The following LINGO2 variants were observed in gnomAD, a reference collection of about 807,000 sequenced individuals.
LINGO2 encodes leucine-rich repeat and immunoglobulin-like domain-containing nogo receptor-interacting protein 2.
In LINGO2, 14 loss-of-function variants were observed where a neutral mutation model predicts 30.6. That is an observed-to-expected ratio of 0.46 (90% CI 0.30 to 0.72). The LOEUF (loss-of-function observed/expected upper bound fraction) is 0.72, where lower values mean the gene tolerates loss of function less well. LINGO2 is among the 30% of genes least tolerant of loss of function. The pLI is 0.07. For synonymous variants in LINGO2, 317 were observed against 288.5 expected (o/e 1.10, Z -1.00); for missense variants, 729 against 751.7 (o/e 0.97, Z 0.35).
chr9:28,436,837 G>A (rs1169876589), intron 2 of LINGO2, among the ~76,000 whole-genome samples: 8 of 152,080 alleles, frequency 5.3e-5, no homozygotes, highest in Non-Finnish European at 8.8e-5. Context: ...AGCAAGAGGA[G>A]GAAGTCCTTA....
the LINGO2 span, among the ~76,000 whole-genome samples, chr9:28,845,789 AAAAT>A: frequency 1.1e-4 from 17 of 151,154 alleles, no homozygotes; most frequent in African/African-American, 4.0e-4. Flanking sequence ...TTGGTATAAA[AAAAT>A]AAAATGTTTT....
chr9:28,975,561 T>C, the LINGO2 span, among the ~76,000 whole-genome samples: 3 of 152,206 alleles, frequency 2.0e-5, no homozygotes, highest in Non-Finnish European at 2.9e-5. Context: ...GAAACAGCCA[T>C]GTTATGCAAA....
At chr9:27,953,449 G>A (rs1291669368) in intron 5 of LINGO2, among the ~76,000 whole-genome samples, 3 of 152,090 alleles carry the variant, frequency 2.0e-5, no homozygotes, top group African/African-American at 7.2e-5. Flanking sequence ...TGTAACCCTT[G>A]ACGGCTAATA....
chr9:29,074,491 G>A, the LINGO2 span, among the ~76,000 whole-genome samples: 1 of 151,896 alleles, frequency 6.6e-6, no homozygotes, highest in South Asian at 2.1e-4. Context: ...TCACTTTCTT[G>A]TAATATAGAC....
chr9:29,081,324 C>A, the LINGO2 span, among the ~76,000 whole-genome samples: 1 of 152,058 alleles, frequency 6.6e-6, no homozygotes, highest in Non-Finnish European at 1.5e-5. Flanking sequence ...GAACCAAAGA[C>A]AAAAACCATA....
chr9:28,837,086 G>A, the LINGO2 span, among the ~76,000 whole-genome samples: 1 of 152,198 alleles, frequency 6.6e-6, no homozygotes, highest in Non-Finnish European at 1.5e-5. Flanking sequence ...ATAAGTTCAG[G>A]CATCATAAAT....
the LINGO2 span, among the ~76,000 whole-genome samples, chr9:29,099,190 G>T: frequency 6.6e-6 from 1 of 152,156 alleles, no homozygotes; most frequent in African/African-American, 2.4e-5. Context: ...GCAGAAAAAT[G>T]AAATTAGACC....
At chr9:28,337,361 A>G (rs1207779329) in intron 3 of LINGO2, among the ~76,000 whole-genome samples, 1 of 152,294 alleles carries the variant, frequency 6.6e-6, no homozygotes, top group East Asian at 1.9e-4. Context: ...TAAACAAATC[A>G]TTCAACAGGA....
the LINGO2 span, among the ~76,000 whole-genome samples, chr9:29,119,924 C>T: frequency 3.3e-5 from 5 of 152,086 alleles, no homozygotes; most frequent in Non-Finnish European, 7.4e-5. Context: ...TTTTTAAGAA[C>T]TACTTGAAAA....
intron 4 of LINGO2, among the ~76,000 whole-genome samples, chr9:28,022,100 C>T (rs756561037): frequency 2.0e-5 from 3 of 152,002 alleles, no homozygotes; most frequent in South Asian, 2.1e-4. Context: ...TTTAGCTCCT[C>T]TTTTGGAATA....
At chr9:29,137,217 C>G in the LINGO2 span, among the ~76,000 whole-genome samples, 1 of 152,130 alleles carries the variant, frequency 6.6e-6, no homozygotes, top group Non-Finnish European at 1.5e-5. Context: ...ACCACTTAAC[C>G]ATGACTTTAA....
At chr9:29,085,847 G>T in the LINGO2 span, among the ~76,000 whole-genome samples, 1,260 of 152,172 alleles carry the variant, frequency 8.3e-3, 10 homozygotes, top group African/African-American at 0.028. Context: ...TGTGTAATTT[G>T]CCCTATTAAC....
chr9:28,507,099 C>A (rs1820170718), intron 1 of LINGO2, among the ~76,000 whole-genome samples: 1 of 151,922 alleles, frequency 6.6e-6, no homozygotes, highest in African/African-American at 2.4e-5. Flanking sequence ...AGACTTATAC[C>A]TTATAAGAAA....
chr9:28,922,831 A>C, the LINGO2 span, among the ~76,000 whole-genome samples: 1 of 152,192 alleles, frequency 6.6e-6, no homozygotes, highest in Admixed American at 6.6e-5. Context: ...AGAAGCTGCG[A>C]ATGTTATATG....
the LINGO2 span, among the ~76,000 whole-genome samples, chr9:28,992,390 G>C: frequency 6.6e-6 from 1 of 151,874 alleles, no homozygotes; most frequent in Non-Finnish European, 1.5e-5. Flanking sequence ...CCTACAAAGA[G>C]ACTTAGACTC....
chr9:28,267,719 G>A (rs920889285), intron 4 of LINGO2, among the ~76,000 whole-genome samples: 5 of 151,764 alleles, frequency 3.3e-5, no homozygotes, highest in South Asian at 2.1e-4. Flanking sequence ...GACTTTCTTC[G>A]TACGCCAAAT....
chr9:28,848,395 G>GTATATATATA, the LINGO2 span, among the ~76,000 whole-genome samples: 6 of 38,766 alleles, frequency 1.5e-4, no homozygotes, highest in African/African-American at 3.2e-4. Flanking sequence ...GTGTGTGTGT[G>GTATATATATA]TGTATATATA....
intron 2 of LINGO2, among the ~76,000 whole-genome samples, chr9:28,382,387 T>C (rs1206532744): frequency 6.6e-6 from 1 of 152,158 alleles, no homozygotes; most frequent in Non-Finnish European, 1.5e-5. Flanking sequence ...AATAATCACA[T>C]TGATAAACTA....
intron 2 of LINGO2, among the ~76,000 whole-genome samples, chr9:28,375,134 ATACACCC>A (rs1194924911): frequency 1.0e-5 from 1 of 98,364 alleles, no homozygotes; most frequent in Non-Finnish European, 2.1e-5. Flanking sequence ...ACACACACAC[ATACACCC>A]CACACTAAGC....
Sources: gnomAD v4.1 joint callset for allele counts (sites outside exome capture counted in the v4.1 genomes callset) on GRCh38, gnomAD v4.1.1 for gene constraint, MANE v1.5 for transcripts, NCBI Gene and HGNC (gene_info 2026-07-23, HGNC 2026-07-21) for gene names.